Variants in ST6GALNAC3 observed in about 807,000 individuals in gnomAD.
The protein encoded by ST6GALNAC3 is alpha-N-acetylgalactosaminide alpha-2,6-sialyltransferase 3.
In ST6GALNAC3, 25 loss-of-function variants were observed where a neutral mutation model predicts 32.7. That is an observed-to-expected ratio of 0.76 (90% confidence interval 0.56 to 1.07). The LOEUF (loss-of-function observed/expected upper bound fraction) is 1.07, where lower values mean the gene tolerates loss of function less well. ST6GALNAC3 is among the 50% of genes least tolerant of loss of function. The pLI, the probability that ST6GALNAC3 is intolerant of heterozygous loss-of-function variation, is 0.00. For missense variants in ST6GALNAC3, 355 were observed against 382.4 expected, an observed-to-expected ratio of 0.93 and a Z score of 0.60; for synonymous variants, 129 against 133.1, an observed-to-expected ratio of 0.97 and a Z score of 0.21.
chr1:76,329,959 C>T (rs560785710), intron 2 of ST6GALNAC3, among the ~76,000 whole-genome samples: 3 of 151,888 alleles, frequency 2.0e-5, no homozygotes, highest in African/African-American at 7.2e-5. Flanking sequence ...CAGGCATGCA[C>T]CACCATGCCC....
chr1:76,622,236 C>T lies in ST6GALNAC3; in HGVS notation c.624-5216C>T, dbSNP rs533333366. Among the ~76,000 whole-genome samples the T allele has an allele frequency of 7.9e-5, 12 of 152,080 alleles. No individual in the cohort carries two copies. In the South Asian group the frequency reaches 1.7e-3, roughly 21 times the overall value. On this transcript the variant is annotated intron_variant, in intron 3 of 4. Coordinates refer to ENST00000328299, the MANE Select transcript of ST6GALNAC3 (RefSeq NM_152996.4). ...TACTGTGGCTTCTGAACTCGTTGTC[C>T]TTGTCCCACCTGATACTTTTTCTGC... is the stretch of plus-strand genomic sequence containing the variant.
intron 3 of ST6GALNAC3, among the ~76,000 whole-genome samples, chr1:76,472,091 G>A (rs554532712): frequency 6.6e-6 from 1 of 152,208 alleles, no homozygotes; most frequent in Admixed American, 6.5e-5. Flanking sequence ...AAGTACAATA[G>A]AACATCTTGC....
chr1:76,249,623 G>A (rs889352958), intron 1 of ST6GALNAC3, among the ~76,000 whole-genome samples: 1 of 151,840 alleles, frequency 6.6e-6, no homozygotes, highest in African/African-American at 2.4e-5. Flanking sequence ...TAATTCTCTT[G>A]GGTATATACT....
At chr1:76,412,477 CA>C in intron 3 of ST6GALNAC3, 60 bp downstream of exon 3, 1 of 1,471,848 alleles carries the variant, frequency 6.8e-7, no homozygotes, top group Non-Finnish European at 9.1e-7. Context: ...AAATCTTCGC[CA>C]ATTCCTTTTG....
chr1:76,573,313 C>G (rs1258353677), intron 3 of ST6GALNAC3, among the ~76,000 whole-genome samples: 1 of 152,094 alleles, frequency 6.6e-6, no homozygotes, highest in Non-Finnish European at 1.5e-5. Context: ...GCTGACAGGC[C>G]AGGATCATTG....
At chr1:76,412,669 TC>T (rs1257156244) in intron 3 of ST6GALNAC3, among the ~76,000 whole-genome samples, 1 of 152,124 alleles carries the variant, frequency 6.6e-6, no homozygotes, top group African/African-American at 2.4e-5. Flanking sequence ...TATCTTTTGA[TC>T]TTTTTTTATT....
chr1:76,316,636 C>T (rs1646872380), intron 2 of ST6GALNAC3, among the ~76,000 whole-genome samples: 1 of 151,934 alleles, frequency 6.6e-6, no homozygotes, highest in African/African-American at 2.4e-5. Flanking sequence ...CTAGCGGTTA[C>T]CTCTGAGAGG....
At chr1:76,148,773 C>T (rs890964477) in intron 1 of ST6GALNAC3, among the ~76,000 whole-genome samples, 3 of 152,176 alleles carry the variant, frequency 2.0e-5, no homozygotes, top group Non-Finnish European at 4.4e-5. Context: ...ACCCAAATCC[C>T]CAGACCCTTT....
At chr1:76,172,842 A>T (rs986142507) in intron 1 of ST6GALNAC3, among the ~76,000 whole-genome samples, 4 of 152,238 alleles carry the variant, frequency 2.6e-5, no homozygotes, top group Admixed American at 6.5e-5. Flanking sequence ...GAGAGGACAC[A>T]AACGAATGGA....
chr1:76,586,493 C>T (rs973091264), intron 3 of ST6GALNAC3, among the ~76,000 whole-genome samples: 5 of 152,182 alleles, frequency 3.3e-5, no homozygotes, highest in African/African-American at 1.2e-4. Flanking sequence ...TCCCAATATG[C>T]ACTATCTCTC....
chr1:76,614,911 A>G (rs1460551292), intron 3 of ST6GALNAC3, among the ~76,000 whole-genome samples: 2 of 151,816 alleles, frequency 1.3e-5, no homozygotes, highest in Non-Finnish European at 2.9e-5. Flanking sequence ...GGTAGGGGCT[A>G]GGGTTCCAGG....
At chr1:76,419,754 G>T (rs764402758) in intron 3 of ST6GALNAC3, among the ~76,000 whole-genome samples, 1 of 151,544 alleles carries the variant, frequency 6.6e-6, no homozygotes, top group Non-Finnish European at 1.5e-5. Flanking sequence ...TAATTGCTTG[G>T]GCAAATATTT....
intron 3 of ST6GALNAC3, among the ~76,000 whole-genome samples, chr1:76,461,797 T>G (rs1034755971): frequency 6.6e-6 from 1 of 152,164 alleles, no homozygotes; most frequent in Non-Finnish European, 1.5e-5. Context: ...TTAATCCTAT[T>G]GAAACCCCAC....
At chr1:76,158,003 G>A (rs1014825804) in intron 1 of ST6GALNAC3, among the ~76,000 whole-genome samples, 1 of 152,220 alleles carries the variant, frequency 6.6e-6, no homozygotes, top group Non-Finnish European at 1.5e-5. Context: ...AGTCTCTGAT[G>A]TTAAAACAGG....
At chr1:76,504,867 T>A (rs1364287183) in intron 3 of ST6GALNAC3, among the ~76,000 whole-genome samples, 1 of 152,214 alleles carries the variant, frequency 6.6e-6, no homozygotes, top group African/African-American at 2.4e-5. Flanking sequence ...TAGGATCACA[T>A]GCACTGTCAT....
intron 1 of ST6GALNAC3, among the ~76,000 whole-genome samples, chr1:76,104,851 A>G (rs1647412192): frequency 6.6e-6 from 1 of 152,156 alleles, no homozygotes; most frequent in Non-Finnish European, 1.5e-5. Flanking sequence ...GGCAGACAAG[A>G]GAAGAGAGCT....
chr1:76,109,732 C>T (rs1014735958), intron 1 of ST6GALNAC3, among the ~76,000 whole-genome samples: 1 of 152,336 alleles, frequency 6.6e-6, no homozygotes, highest in African/African-American at 2.4e-5. Context: ...GGCTTACAGG[C>T]ACACTTTGGG....
At chr1:76,486,285 CCTT>C (rs1250553849) in intron 3 of ST6GALNAC3, among the ~76,000 whole-genome samples, 1 of 129,430 alleles carries the variant, frequency 7.7e-6, no homozygotes, top group African/African-American at 2.5e-5. Context: ...TCCTTGTTAA[CCTT>C]CTGTCTCATT....
At position 76,633,836 on chromosome 1, in the gene ST6GALNAC3, T is replaced by C. The variant is rs1421460013; in HGVS notation, c.*5030T>C. On this transcript the variant is annotated 3_prime_UTR_variant, in exon 5 of 5. Transcript: ENST00000328299. ...TCTCTACAGTCCATTTATATGATAC[T>C]GTTAGAAGTGAAGAATTTTGAAACT... 6.6e-6 allele frequency: 1 copy of C among 152,182 alleles called. No homozygotes were observed. The highest frequency in any genetic ancestry group is 1.5e-5 in the Non-Finnish European group (1 of 68,036). 9.4% of individuals were successfully genotyped at this position (152,182 alleles called of 1,614,324 possible).
Sources: allele counts gnomAD v4.1 joint callset (sites outside exome capture counted in the v4.1 genomes callset), GRCh38; gene constraint gnomAD v4.1.1; transcripts MANE v1.5; gene names NCBI Gene and HGNC (gene_info 2026-07-23, HGNC 2026-07-21).